The following MYO5A variants were observed in gnomAD, a reference collection of about 807,000 sequenced individuals.
MYO5A encodes myosin VA, also known as unconventional myosin-Va.
In MYO5A, 98 loss-of-function variants were observed where a neutral mutation model predicts 249.7. The observed-to-expected ratio is 0.39, with a 90% confidence interval of 0.33 to 0.46. The LOEUF (loss-of-function observed/expected upper bound fraction) is 0.46, where lower values mean the gene tolerates loss of function less well. MYO5A is among the 20% of genes least tolerant of loss of function. MYO5A has a pLI of 0.98. For missense variants in MYO5A, 1,696 were observed against 2,308.8 expected, an observed-to-expected ratio of 0.73 and a Z score of 5.44; for synonymous variants, 778 against 810.6, an observed-to-expected ratio of 0.96 and a Z score of 0.68.
chr15:52,326,255 TATC>T (rs1423009371), intron 36 of MYO5A, among the ~76,000 whole-genome samples: 1 of 152,262 alleles, frequency 6.6e-6, no homozygotes, highest in East Asian at 1.9e-4. Context: ...ACCAGATAAG[TATC>T]TTCTTGCAAT....
At chr15:52,391,006 T>C (rs1199746380) in intron 12 of MYO5A, among the ~76,000 whole-genome samples, 1 of 152,212 alleles carries the variant, frequency 6.6e-6, no homozygotes, top group Non-Finnish European at 1.5e-5. Flanking sequence ...CTATGACAAC[T>C]GCCACAGTTT....
At chr15:52,479,392 G>A (rs67632670) in intron 1 of MYO5A, among the ~76,000 whole-genome samples, 22,841 of 151,080 alleles carry the variant, frequency 0.15, 1,827 homozygotes, top group Middle Eastern at 0.23. Context: ...TATTTTTTTC[G>A]ATATTTCTAG....
intron 2 of MYO5A, among the ~76,000 whole-genome samples, chr15:52,431,710 GC>G (rs2075543024): frequency 6.6e-6 from 1 of 151,152 alleles, no homozygotes; most frequent in Non-Finnish European, 1.5e-5. Context: ...AATAAGCCAG[GC>G]ACAGTGGCTC....
At position 52,313,629 on chromosome 15, in the gene MYO5A, C is replaced by T; in HGVS notation, c.*67G>A. ...CTTTAAAAATGTATTTTCAGTAACT[C>T]ACTGGAAATAATGGGTTCTTATTTC... On this transcript the variant is annotated 3_prime_UTR_variant, in exon 42 of 42. Coordinates refer to ENST00000399233, the MANE Select transcript of MYO5A (RefSeq NM_001382347.1). 3.2e-6 allele frequency: 5 copies of T among 1,559,266 alleles called. 1 individual carries two copies. The highest frequency in any genetic ancestry group is 3.6e-4 in the Middle Eastern group (2 of 5,572).
At chr15:52,370,667 A>G (rs1350522950) in intron 21 of MYO5A, among the ~76,000 whole-genome samples, 3 of 152,256 alleles carry the variant, frequency 2.0e-5, no homozygotes, top group African/African-American at 7.2e-5. Flanking sequence ...ATTTTCTCAT[A>G]GTCACAGGGT....
chr15:52,433,072 G>A (rs2075576954), intron 2 of MYO5A, 103 bp downstream of exon 2: 5 of 883,714 alleles, frequency 5.7e-6, no homozygotes, highest in Non-Finnish European at 9.4e-6. Context: ...TTCTAGGTAA[G>A]TTCAAAATTT....
rs368825167 is a variant in MYO5A at position 52,416,244 on chromosome 15, G to T, written c.513C>A (p.Val171=). 2.1e-5 allele frequency: 34 copies of T among 1,613,912 alleles called. No individual in the cohort carries two copies. Among genetic ancestry groups the T allele is most frequent in the Non-Finnish European group, 2.9e-5 (34 of 1,179,944 alleles). ...VSGESGAGKT[V]SAKYAMRYFA... is the part of the protein sequence containing the mutation. ...AGTATCGCATGGCATACTTAGCTGA[G>T]ACTGTTTTTCCTGCCCCAGACTCTC... Residue 171 remains valine (V), a synonymous_variant, in exon 5 of 42, where the codon GTC becomes GTA. Coordinates refer to ENST00000399233, the MANE Select transcript of MYO5A (RefSeq NM_001382347.1).
intron 1 of MYO5A, among the ~76,000 whole-genome samples, chr15:52,437,594 CAAAAAAAAAAAAAA>C (rs57299562): frequency 1.4e-5 from 1 of 73,908 alleles, no homozygotes; most frequent in East Asian, 3.6e-4. Flanking sequence ...GACTCCATCT[CAAAAAAAAAAAAAA>C]AAAAAAAAGA....
intron 1 of MYO5A, among the ~76,000 whole-genome samples, chr15:52,467,961 C>T (rs1054071707): frequency 4.6e-5 from 7 of 152,092 alleles, no homozygotes; most frequent in Admixed American, 1.3e-4. Flanking sequence ...CCTCACATAT[C>T]AGCGAATTAA....
chr15:52,354,869 A>G (rs1011907079), intron 25 of MYO5A, among the ~76,000 whole-genome samples: 10 of 152,154 alleles, frequency 6.6e-5, no homozygotes, highest in African/African-American at 2.4e-4. Flanking sequence ...AAAAAAAAAA[A>G]AGAATGAAGT....
chr15:52,421,967 C>T (rs2043813972), intron 4 of MYO5A, among the ~76,000 whole-genome samples: 1 of 152,142 alleles, frequency 6.6e-6, no homozygotes, highest in African/African-American at 2.4e-5. Flanking sequence ...CTGATTATCA[C>T]TCACAGTGGA....
intron 1 of MYO5A, among the ~76,000 whole-genome samples, chr15:52,473,392 A>C (rs571841936): frequency 6.6e-6 from 1 of 152,234 alleles, no homozygotes; most frequent in Admixed American, 6.5e-5. Flanking sequence ...GAAGCTCTTT[A>C]GTTTAATTAG....
chr15:52,521,513 C>T (rs1467839047), intron 1 of MYO5A, among the ~76,000 whole-genome samples: 1 of 152,188 alleles, frequency 6.6e-6, no homozygotes, highest in East Asian at 1.9e-4. Context: ...GCATCTTGCC[C>T]ACATTTTTGG....
intron 28 of MYO5A, among the ~76,000 whole-genome samples, chr15:52,349,936 G>C (rs938414645): frequency 1.6e-4 from 24 of 152,218 alleles, no homozygotes; most frequent in African/African-American, 5.5e-4. Context: ...TTATGATTAT[G>C]ATTATGATTA....
chr15:52,337,189 AT>A (rs1426454259), intron 33 of MYO5A, among the ~76,000 whole-genome samples: 1 of 152,248 alleles, frequency 6.6e-6, no homozygotes, highest in Non-Finnish European at 1.5e-5. Flanking sequence ...AATTTTGCTT[AT>A]ACAGAAGAAA....
At chr15:52,467,921 T>C (rs2076383471) in intron 1 of MYO5A, among the ~76,000 whole-genome samples, 1 of 152,140 alleles carries the variant, frequency 6.6e-6, no homozygotes, top group African/African-American at 2.4e-5. Flanking sequence ...TAATTTTATG[T>C]CCAGCAAGAT....
intron 20 of MYO5A, among the ~76,000 whole-genome samples, chr15:52,374,375 T>C (rs922088624): frequency 1.3e-5 from 2 of 152,230 alleles, no homozygotes; most frequent in East Asian, 1.9e-4. Flanking sequence ...CTGTTTGTCA[T>C]ATATTCTATC....
In MYO5A at chr15:52,425,834, C is replaced by T; in HGVS notation, c.451G>A (p.Ala151Thr). The part of the protein sequence containing the change: ...AVAEEAYKQM[A>T]RDERNQSIIV... ...ACAATGAAAGCTTCTACCAACCTGG[C>T]CATTTGCTTGTAAGCTTCTTCAGCT... Residue 151 changes from alanine to threonine, a missense_variant, in exon 4 of 42, where the codon GCC becomes ACC. Ala to Thr is a moderately conservative substitution (Grantham distance 58). Around this residue, in one of 5 missense-constraint regions of MYO5A, gnomAD observed 197 missense variants for 320.3 expected, o/e 0.62. Transcript: ENST00000399233. 6.2e-7 allele frequency: 1 copy of T among 1,613,982 alleles called. No individual in the cohort carries two copies. Among genetic ancestry groups the T allele is most frequent in the Non-Finnish European group, 8.5e-7 (1 of 1,179,964 alleles).
intron 15 of MYO5A, 54 bp from the exon 16 acceptor site, chr15:52,383,242 G>A: frequency 7.1e-7 from 1 of 1,411,688 alleles, no homozygotes; most frequent in Non-Finnish European, 1.0e-6. Context: ...AGTCAAAGGT[G>A]AGGTAAAACA....
Sources: allele counts gnomAD v4.1 joint callset (sites outside exome capture counted in the v4.1 genomes callset), GRCh38; gene constraint gnomAD v4.1.1; regional missense constraint gnomAD v4.1.1; transcripts MANE v1.5; gene names NCBI Gene and HGNC (gene_info 2026-07-23, HGNC 2026-07-21).